SND1: variants seen among roughly 807,000 people sequenced by gnomAD.
SND1 encodes staphylococcal nuclease and tudor domain containing 1, also known as staphylococcal nuclease domain-containing protein 1.
A neutral mutation model predicts 121.7 loss-of-function variants in SND1; 38 were observed. That is an observed-to-expected ratio of 0.31 (90% CI 0.24 to 0.41). The LOEUF (loss-of-function observed/expected upper bound fraction) is 0.41. Among genes scored for constraint, SND1 ranks in the 10% least tolerant of loss-of-function variants. The pLI is 1.00. For synonymous variants in SND1, 401 were observed against 447.4 expected, an observed-to-expected ratio of 0.90 and a Z score of 1.31; for missense variants, 868 against 1,184.6, an observed-to-expected ratio of 0.73 and a Z score of 3.92.
chr7:128,070,508 A>G (rs755578601), intron 16 of SND1, among the ~76,000 whole-genome samples: 2 of 152,148 alleles, frequency 1.3e-5, no homozygotes, highest in Non-Finnish European at 2.9e-5. Flanking sequence ...TGTGGAAGCT[A>G]TTGAGTCCAG....
At chr7:127,826,175 G>A (rs1798639828) in intron 11 of SND1, among the ~76,000 whole-genome samples, 1 of 152,172 alleles carries the variant, frequency 6.6e-6, no homozygotes, top group South Asian at 2.1e-4. Flanking sequence ...TGGGCCACAA[G>A]AGCGAAACTC....
intron 15 of SND1, among the ~76,000 whole-genome samples, chr7:127,946,242 G>A (rs1801327120): frequency 6.6e-6 from 1 of 152,218 alleles, no homozygotes; most frequent in Non-Finnish European, 1.5e-5. Flanking sequence ...GCATGGCTAA[G>A]ACATGTGATC....
At chr7:127,872,665 C>T (rs1799618933) in intron 12 of SND1, among the ~76,000 whole-genome samples, 1 of 147,128 alleles carries the variant, frequency 6.8e-6, no homozygotes, top group Admixed American at 6.7e-5. Flanking sequence ...CACACACACA[C>T]ACACGACTCT....
chr7:128,004,439 TGGTAGAATA>T lies in SND1; in HGVS notation c.1779+13386_1779+13394del, dbSNP rs559392382. On this transcript the variant is annotated intron_variant, in intron 16 of 23. Coordinates refer to ENST00000354725, the MANE Select transcript of SND1 (RefSeq NM_014390.4). ...CAGCAACTGAATAATTATGCCCAGT[TGGTAGAATA>T]GGAGAACTGTTGGCCTGGGACCCTG... 1.3e-3 allele frequency among the ~76,000 whole-genome samples: 191 copies of T among 152,296 alleles called. 5 individuals are homozygous for T. The South Asian group carries it at 0.038, about 30-fold the overall frequency.
chr7:127,963,178 A>G (rs1801772985), intron 15 of SND1, among the ~76,000 whole-genome samples: 1 of 152,104 alleles, frequency 6.6e-6, no homozygotes, highest in Non-Finnish European at 1.5e-5. Context: ...GGGTGCAGCA[A>G]GTTGTTCACT....
intron 15 of SND1, among the ~76,000 whole-genome samples, chr7:127,959,344 C>A (rs1342924494): frequency 6.6e-6 from 1 of 152,214 alleles, no homozygotes; most frequent in African/African-American, 2.4e-5. Context: ...CATTCCTACA[C>A]ATGTAGCTGT....
intron 14 of SND1, among the ~76,000 whole-genome samples, chr7:127,925,807 C>T (rs971029008): frequency 6.6e-6 from 1 of 151,924 alleles, no homozygotes; most frequent in Non-Finnish European, 1.5e-5. Context: ...GTTGGCCAGG[C>T]TGGTCTCGAA....
chr7:127,947,218 G>A (rs1338349999), intron 15 of SND1, among the ~76,000 whole-genome samples: 2 of 152,156 alleles, frequency 1.3e-5, no homozygotes, highest in Non-Finnish European at 2.9e-5. Flanking sequence ...GATGTTATCA[G>A]GGGTGAAAGA....
chr7:127,866,473 A>C (rs1173647075), intron 12 of SND1, among the ~76,000 whole-genome samples: 1 of 152,178 alleles, frequency 6.6e-6, no homozygotes, highest in Non-Finnish European at 1.5e-5. Flanking sequence ...TCCTTGGGGT[A>C]TTGAGAGAAA....
chr7:127,811,485 T>C (rs1161298409), intron 11 of SND1, among the ~76,000 whole-genome samples: 1 of 152,178 alleles, frequency 6.6e-6, no homozygotes, highest in East Asian at 1.9e-4. Flanking sequence ...CAGACATCTT[T>C]GACACCCTTA....
At chr7:127,929,041 G>A in intron 14 of SND1, 147 bp from the exon 15 acceptor site, 1 of 683,980 alleles carries the variant, frequency 1.5e-6, no homozygotes, top group Non-Finnish European at 2.5e-6. Context: ...GGCCTCATGG[G>A]TATCATGTCT....
chr7:127,713,115 AG>A (rs2116368093), intron 9 of SND1, among the ~76,000 whole-genome samples: 2 of 152,372 alleles, frequency 1.3e-5, no homozygotes, highest in South Asian at 4.1e-4. Flanking sequence ...TAAATATTTT[AG>A]GCTTGGTGGC....
intron 16 of SND1, among the ~76,000 whole-genome samples, chr7:128,037,431 C>T (rs1257987790): frequency 6.6e-6 from 1 of 152,178 alleles, no homozygotes; most frequent in African/African-American, 2.4e-5. Flanking sequence ...ATCTCAAGAT[C>T]CTTAATTTAA....
At chr7:127,855,707 A>G (rs943934863) in intron 12 of SND1, among the ~76,000 whole-genome samples, 2 of 152,158 alleles carry the variant, frequency 1.3e-5, no homozygotes. Context: ...TTTAAAATCT[A>G]ATAGTTTCTT....
At chr7:127,924,359 A>T (rs1297016430) in intron 14 of SND1, among the ~76,000 whole-genome samples, 1 of 152,174 alleles carries the variant, frequency 6.6e-6, no homozygotes, top group Non-Finnish European at 1.5e-5. Context: ...AACAATTTCC[A>T]TTTGAGTCTT....
At chr7:128,045,153 A>G (rs1300488993) in intron 16 of SND1, among the ~76,000 whole-genome samples, 3 of 152,266 alleles carry the variant, frequency 2.0e-5, no homozygotes, top group South Asian at 2.1e-4. Flanking sequence ...TTTGGATCAG[A>G]ACCAGTTAAG....
chr7:128,046,734 A>G (rs1182960112), intron 16 of SND1, among the ~76,000 whole-genome samples: 1 of 152,144 alleles, frequency 6.6e-6, no homozygotes, highest in African/African-American at 2.4e-5. Context: ...TGCTGGGATT[A>G]TAGGCATGAG....
intron 10 of SND1, among the ~76,000 whole-genome samples, chr7:127,774,275 TGTTTAA>T (rs1314947742): frequency 6.6e-6 from 1 of 152,234 alleles, no homozygotes; most frequent in Non-Finnish European, 1.5e-5. Context: ...TGTATGTTTG[TGTTTAA>T]GTTTTAAACA....
At chr7:128,072,270 T>A (rs1210349365) in intron 16 of SND1, among the ~76,000 whole-genome samples, 1 of 152,232 alleles carries the variant, frequency 6.6e-6, no homozygotes, top group Non-Finnish European at 1.5e-5. Context: ...AGAGCCACAC[T>A]GGCCCACCAC....
Sources: allele counts gnomAD v4.1 joint callset (sites outside exome capture counted in the v4.1 genomes callset), GRCh38; gene constraint gnomAD v4.1.1; transcripts MANE v1.5; gene names NCBI Gene and HGNC (gene_info 2026-07-23, HGNC 2026-07-21).